RRM1: variants seen among roughly 807,000 people sequenced by gnomAD.
RRM1 encodes ribonucleoside-diphosphate reductase large subunit.
Under a neutral mutation model 101.5 loss-of-function variants are expected in RRM1, and 19 were observed. The ratio of observed to expected loss-of-function variants is 0.19; its 90% CI spans 0.13 to 0.27. The LOEUF is 0.27. RRM1 is among the 10% of genes least tolerant of loss of function. RRM1 has a pLI of 1.00. For synonymous variants in RRM1, 298 were observed against 323.4 expected (o/e 0.92, Z 0.84); for missense variants, 500 against 962.9 (o/e 0.52, Z 6.36).
At chr11:4,097,294 A>C (rs1469509835) in intron 1 of RRM1, among the ~76,000 whole-genome samples, 2 of 151,404 alleles carry the variant, frequency 1.3e-5, no homozygotes, top group South Asian at 4.2e-4. Flanking sequence ...AAAAAAAAAA[A>C]AAAAAAACCA....
intron 17 of RRM1, among the ~76,000 whole-genome samples, chr11:4,134,741 G>A (rs2094606111): frequency 1.3e-5 from 2 of 152,242 alleles, no homozygotes; most frequent in South Asian, 4.1e-4. Context: ...GTCATTTATT[G>A]CTGCTTAGCT....
intron 18 of RRM1, among the ~76,000 whole-genome samples, chr11:4,136,506 C>T (rs2133327377): frequency 6.6e-6 from 1 of 152,172 alleles, no homozygotes; most frequent in African/African-American, 2.4e-5. Flanking sequence ...AGGTGTGAGC[C>T]ACTGTGCCTG....
rs746526097 is a variant in RRM1, at chr11:4,130,066, T to TTA, written c.1769+936_1769+937dup. ...TTAAGAAAATGGACCTGTACTGTAT[T>TTA]TATATATATATATATATATATTTTT... On this transcript the variant is annotated intron_variant, in intron 15 of 18. Transcript: ENST00000300738. 1.2e-3 allele frequency among the ~76,000 whole-genome samples: 40 copies of TTA among 32,990 alleles called. 1 individual carries two copies. The highest frequency in any genetic ancestry group is 0.042 in the Middle Eastern group (2 of 48). The allele number at this position is 32,990 out of a possible 152,430, so 21.6% of individuals were successfully genotyped here.
intron 2 of RRM1, among the ~76,000 whole-genome samples, chr11:4,104,382 G>T (rs2094555729): frequency 6.6e-6 from 1 of 152,108 alleles, no homozygotes; most frequent in South Asian, 2.1e-4. Context: ...AGTATGCATT[G>T]TTCAGCTGGG....
chr11:4,127,386 AG>A (rs1438480191), intron 14 of RRM1, 130 bp downstream of exon 14: 1 of 567,570 alleles, frequency 1.8e-6, no homozygotes, highest in Non-Finnish European at 2.8e-6. Context: ...GTTCAAAAAA[AG>A]GTATTTTGCA....
chr11:4,124,925 T>A (rs544610901), intron 12 of RRM1, among the ~76,000 whole-genome samples: 153 of 150,454 alleles, frequency 1.0e-3, no homozygotes, highest in South Asian at 2.3e-3. Flanking sequence ...ATTTTATTTT[T>A]TTTTTTTTGA....
At chr11:4,120,079 A>G (rs1590724002) in intron 9 of RRM1, 151 bp downstream of exon 9, 3 of 554,730 alleles carry the variant, frequency 5.4e-6, no homozygotes, top group East Asian at 6.2e-5. Flanking sequence ...TAATATGCAT[A>G]TACTTTAAAT....
chr11:4,129,227 T>C (rs1590731116), intron 15 of RRM1, 77 bp downstream of exon 15: 5 of 838,154 alleles, frequency 6.0e-6, no homozygotes, highest in South Asian at 3.2e-5. Flanking sequence ...AAGTTAGATA[T>C]GTCATTTTAA....
intron 5 of RRM1, among the ~76,000 whole-genome samples, chr11:4,110,970 G>A (rs1432132966): frequency 6.6e-6 from 1 of 151,996 alleles, no homozygotes; most frequent in Non-Finnish European, 1.5e-5. Flanking sequence ...CGCTTTTTAA[G>A]TGTTAGCTGT....
At chr11:4,101,291 G>A (rs1225782597) in intron 1 of RRM1, among the ~76,000 whole-genome samples, 1 of 151,918 alleles carries the variant, frequency 6.6e-6, no homozygotes, top group Non-Finnish European at 1.5e-5. Context: ...GGGTGCACAG[G>A]ACAAGTGGTA....
rs1327016141 is a variant in RRM1, at chr11:4,121,605, G to A, written c.878G>A (p.Arg293His). The A allele has an allele frequency of 2.5e-6, 4 of 1,609,626 alleles. No homozygotes were observed. Among genetic ancestry groups the A allele is most frequent in the East Asian group, 2.2e-5 (1 of 44,810 alleles). ...GAATTATGATTTATTTACCACTAGCGTCCTGGGGCATTTGCTATTTACCTG... is the reference window on the plus strand; with the variant it reads ...GAATTATGATTTATTTACCACTAGCATCCTGGGGCATTTGCTATTTACCTG... ...ARYVDQGGNKRPGAFAIYLEP... is the reference protein window; with the variant it reads ...ARYVDQGGNKHPGAFAIYLEP... The change falls in exon 10 of 19, where the codon CGT (arginine) becomes CAT (histidine). Residue 293 changes from arginine to histidine, a missense_variant and splice_region_variant. Arg to His is a conservative substitution (Grantham distance 29). Around this residue, in one of 9 missense-constraint regions of RRM1, gnomAD observed 111 missense variants for 219.8 expected, o/e 0.51. Transcript: ENST00000300738.
chr11:4,127,047 A>G lies in RRM1; in HGVS notation c.1483A>G (p.Asn495Asp). Residue 495 changes from asparagine to aspartate, a missense_variant, in exon 14 of 19, where the codon AAT (asparagine) becomes GAT (aspartate). By Grantham distance (23) the Asn-to-Asp change is conservative. This residue lies in a region of RRM1 where 106 missense variants were observed against 138.1 expected (regional missense o/e 0.77). Coordinates refer to ENST00000300738, the MANE Select transcript of RRM1 (RefSeq NM_001033.5). ...TGTTGACACAAAGGCATGCCTATCA[A>G]ATAAACGCCATCGCCCCATTGGAAT... ...YYPVPEACLSNKRHRPIGIGV... is the reference protein window; with the variant it reads ...YYPVPEACLSDKRHRPIGIGV... 1 of 1,607,996 alleles carries G rather than the reference A, an allele frequency of 6.2e-7. No individual in the cohort carries two copies. The highest frequency in any genetic ancestry group is 8.5e-7 in the Non-Finnish European group (1 of 1,178,470).
chr11:4,135,053 A>G (rs2094606832), intron 17 of RRM1, 29 bp from the exon 18 acceptor site: 2 of 1,537,442 alleles, frequency 1.3e-6, no homozygotes, highest in East Asian at 2.3e-5. Flanking sequence ...TAACTGGAGT[A>G]AAGTAAACAT....
chr11:4,119,645 G>C, intron 8 of RRM1, 200 bp from the exon 9 acceptor site: 1 of 529,080 alleles, frequency 1.9e-6, no homozygotes, highest in Admixed American at 3.7e-5. Context: ...AGGTAACTTA[G>C]TACATAATTG....
chr11:4,096,278 C>T (rs982961201), intron 1 of RRM1, among the ~76,000 whole-genome samples: 4 of 152,218 alleles, frequency 2.6e-5, no homozygotes, highest in African/African-American at 9.7e-5. Flanking sequence ...TCCTCCCTTC[C>T]TTGGCTTCCC....
At chr11:4,108,115 G>C (rs953100898) in intron 4 of RRM1, among the ~76,000 whole-genome samples, 1 of 152,092 alleles carries the variant, frequency 6.6e-6, no homozygotes, top group Non-Finnish European at 1.5e-5. Flanking sequence ...TCCCAAAAAG[G>C]TTGCTCAGGT....
intron 4 of RRM1, 154 bp downstream of exon 4, chr11:4,107,689 C>T: frequency 1.7e-6 from 1 of 592,104 alleles, no homozygotes; most frequent in South Asian, 2.1e-5. Flanking sequence ...ACAACTTTAT[C>T]ATTTTAAAAT....
At chr11:4,095,943 T>C (rs2094543033) in intron 1 of RRM1, among the ~76,000 whole-genome samples, 1 of 152,228 alleles carries the variant, frequency 6.6e-6, no homozygotes, top group Non-Finnish European at 1.5e-5. Flanking sequence ...AGCAATACAA[T>C]GATTTCAAAA....
chr11:4,135,633 T>G (rs1400710064), intron 18 of RRM1, among the ~76,000 whole-genome samples: 1 of 152,136 alleles, frequency 6.6e-6, no homozygotes, highest in Non-Finnish European at 1.5e-5. Context: ...GCTTCTAGGA[T>G]CTCTGCTCCC....
Sources: allele counts gnomAD v4.1 joint callset (sites outside exome capture counted in the v4.1 genomes callset), GRCh38; gene constraint gnomAD v4.1.1; regional missense constraint gnomAD v4.1.1; transcripts MANE v1.5; gene names NCBI Gene and HGNC (gene_info 2026-07-23, HGNC 2026-07-21).